Variants in C11orf98 observed in about 807,000 individuals in gnomAD.
The protein encoded by C11orf98 is chromosome 11 open reading frame 98.
C11orf98 carries 7 observed loss-of-function variants against 10.9 expected under a neutral mutation model. The ratio of observed to expected loss-of-function variants is 0.64; its 90% CI spans 0.37 to 1.21. C11orf98 has a LOEUF of 1.21. C11orf98 is among the 50% of genes most tolerant of loss of function. C11orf98 has a pLI of 0.02. For missense variants in C11orf98, 181 were observed against 153.7 expected, an observed-to-expected ratio of 1.18 and a Z score of -0.94; for synonymous variants, 70 against 57.2, an observed-to-expected ratio of 1.22 and a Z score of -1.01.
chr11:62,664,606 C>G (rs1448683469), intron 2 of C11orf98, among the ~76,000 whole-genome samples: 1 of 152,144 alleles, frequency 6.6e-6, no homozygotes, highest in Non-Finnish European at 1.5e-5. Flanking sequence ...GCTGGGATTA[C>G]AGGTATGAGC....
chr11:62,663,069 T>C lies in C11orf98; in HGVS notation c.353A>G (p.Asp118Gly). Reference sequence around the variant, plus strand: ...AGAGGTTTAGCTCTCATCTTCAAGGTCCTTCATTTCTACATCCTGGGGGGC... The same window carrying C: ...AGAGGTTTAGCTCTCATCTTCAAGGCCCTTCATTTCTACATCCTGGGGGGC... ...TKAPQDVEMKDLEDES is the reference protein window; with the variant it reads ...TKAPQDVEMKGLEDES Residue 118 changes from aspartate (D) to glycine (G), a missense_variant, in exon 4 of 4, where the codon GAC becomes GGC. Coordinates refer to ENST00000524958, the MANE Select transcript of C11orf98 (RefSeq NM_001286086.2). 2.5e-6 allele frequency: 4 copies of C among 1,599,196 alleles called. No individual in the cohort carries two copies. In the South Asian group the frequency reaches 4.4e-5, roughly 18 times the overall value.
Position 62,664,909 on chromosome 11 carries a change from C to A in C11orf98, c.104G>T (p.Arg35Leu), listed in dbSNP as rs371721281. 21 of 1,599,854 alleles carry A rather than the reference C, an allele frequency of 1.3e-5. No individual in the cohort carries two copies. In the Admixed American group the frequency reaches 3.1e-4, roughly 24 times the overall value. Residue 35 changes from arginine to leucine, a missense_variant, in exon 2 of 4, where the codon CGG becomes CTG. Transcript: ENST00000524958. ...VLNRERRLRH[R>L]VVGAVIDQGL... ...TTGGTCTATCACAGCCCCGACCACC[C>A]GGTGCCTCAGACGCCGCTCCCGATT... is the stretch of plus-strand genomic sequence containing the variant.
At chr11:62,664,462 C>T (rs1944739367) in intron 2 of C11orf98, among the ~76,000 whole-genome samples, 1 of 151,162 alleles carries the variant, frequency 6.6e-6, no homozygotes, top group South Asian at 2.1e-4. Flanking sequence ...TCCCGTGTAG[C>T]TGGGACTACA....
chr11:62,663,159 A>T lies in C11orf98; in HGVS notation c.263T>A (p.Val88Glu). The change falls in exon 4 of 4, where the codon GTG (valine) becomes GAG (glutamate). Residue 88 changes from valine (V) to glutamate (E), a missense_variant and splice_region_variant. Coordinates refer to ENST00000524958, the MANE Select transcript of C11orf98 (RefSeq NM_001286086.2). ...LAQKEKTAME[V>E]EAPSKPARTS... ...CCTGGCTGGCTTTGAAGGGGCTTCC[A>T]CTGAGTAAAGGGAAGAAGGAAGTAT... 6.2e-7 allele frequency: 1 copy of T among 1,614,054 alleles called. No individual in the cohort carries two copies. The highest frequency in any genetic ancestry group is 8.5e-7 in the Non-Finnish European group (1 of 1,179,930).
In C11orf98 at chr11:62,665,207, G is replaced by A; in HGVS notation, c.-38C>T. ...ACTCCAGTTCACGGTCCGTACTTCCGCTCAGCGCCGGATCCGCGGGGCTCC... is the reference window on the plus strand; with the variant it reads ...ACTCCAGTTCACGGTCCGTACTTCCACTCAGCGCCGGATCCGCGGGGCTCC... On this transcript the variant is annotated 5_prime_UTR_variant, in exon 1 of 4. Transcript: ENST00000524958. 2.5e-6 allele frequency: 2 copies of A among 794,720 alleles called. No homozygotes were observed. Among genetic ancestry groups the A allele is most frequent in the Non-Finnish European group, 4.3e-6 (2 of 469,474 alleles). The allele number at this position is 794,720 out of a possible 1,614,324, so 49.2% of individuals were successfully genotyped here.
Position 62,664,911 on chromosome 11 carries a change from G to A in C11orf98, c.102C>T (p.His34=), listed in dbSNP as rs768715747. ...RVLNRERRLR[H]RVVGAVIDQG... is the part of the protein sequence containing the mutation. ...GGTCTATCACAGCCCCGACCACCCG[G>A]TGCCTCAGACGCCGCTCCCGATTCA... is the stretch of plus-strand genomic sequence containing the variant. Residue 34 remains histidine (H), a synonymous_variant, in exon 2 of 4, where the codon CAC becomes CAT. Coordinates refer to ENST00000524958, the MANE Select transcript of C11orf98 (RefSeq NM_001286086.2). 29 of 1,601,092 alleles carry A rather than the reference G, an allele frequency of 1.8e-5. No homozygotes were observed. The Middle Eastern group carries it at 5.0e-4, about 27-fold the overall frequency.
Position 62,664,906 on chromosome 11 carries a change from A to ACCCGGTGCCTCAGACGCCGCT in C11orf98, c.86_106dup (p.Glu29_Arg35dup). 1 of 1,597,478 alleles carries ACCCGGTGCCTCAGACGCCGCT rather than the reference A, an allele frequency of 6.3e-7. No homozygotes were observed. The highest frequency in any genetic ancestry group is 8.5e-7 in the Non-Finnish European group (1 of 1,172,532). ...CCCTTGGTCTATCACAGCCCCGACC[A>ACCCGGTGCCTCAGACGCCGCT]CCCGGTGCCTCAGACGCCGCTCCCG... On this transcript the variant is annotated inframe_insertion, in exon 2 of 4. Coordinates refer to ENST00000524958, the MANE Select transcript of C11orf98 (RefSeq NM_001286086.2).
chr11:62,665,158 C>T lies in C11orf98; in HGVS notation c.12G>A (p.Pro4=). The change falls in exon 1 of 4, where the codon CCG becomes CCA. Residue 4 remains proline, a synonymous_variant. Coordinates refer to ENST00000524958, the MANE Select transcript of C11orf98 (RefSeq NM_001286086.2). MGA[P]GGKINRPRTE... ...TTCGGGGCCGGTTGATCTTTCCCCC[C>T]GGAGCTCCCATAGTCGCGATTCCAC... 3 of 920,622 alleles carry T rather than the reference C, an allele frequency of 3.3e-6. No homozygotes were observed. Among genetic ancestry groups the T allele is most frequent in the Non-Finnish European group, 5.1e-6 (3 of 584,338 alleles). 57.0% of individuals were successfully genotyped at this position (920,622 alleles called of 1,614,324 possible).
chr11:62,665,149 C>G lies in C11orf98; in HGVS notation c.21G>C (p.Lys7Asn), dbSNP rs568429624. 7.2e-6 allele frequency: 7 copies of G among 975,784 alleles called. No individual in the cohort carries two copies. The highest frequency in any genetic ancestry group is 1.1e-5 in the Non-Finnish European group (7 of 635,068). The allele number at this position is 975,784 out of a possible 1,614,324, so 60.4% of individuals were successfully genotyped here. MGAPGGKINRPRTELKK... is the reference protein window; with the variant it reads MGAPGGNINRPRTELKK... Reference sequence around the variant, plus strand: ...CAGTCACCGTTCGGGGCCGGTTGATCTTTCCCCCCGGAGCTCCCATAGTCG... The same window carrying G: ...CAGTCACCGTTCGGGGCCGGTTGATGTTTCCCCCCGGAGCTCCCATAGTCG... The change falls in exon 1 of 4, where the codon AAG becomes AAC. Residue 7 changes from lysine to asparagine, a missense_variant. Transcript: ENST00000524958.
chr11:62,665,151 T>C lies in C11orf98; in HGVS notation c.19A>G (p.Lys7Glu), dbSNP rs1213310108. Reference protein sequence around the residue: MGAPGGKINRPRTELKK... With the variant: MGAPGGEINRPRTELKK... ...GTCACCGTTCGGGGCCGGTTGATCT[T>C]TCCCCCCGGAGCTCCCATAGTCGCG... Residue 7 changes from lysine to glutamate, a missense_variant, in exon 1 of 4, where the codon AAG becomes GAG. Lys to Glu is a moderately conservative substitution (Grantham distance 56, BLOSUM62 1). Coordinates refer to ENST00000524958, the MANE Select transcript of C11orf98 (RefSeq NM_001286086.2). The C allele has an allele frequency of 2.1e-6, 2 of 957,038 alleles. No homozygotes were observed. Among genetic ancestry groups the C allele is most frequent in the East Asian group, 2.6e-5 (1 of 38,326 alleles). 59.3% of individuals were successfully genotyped at this position (957,038 alleles called of 1,614,324 possible).
At position 62,665,123 on chromosome 11, in the gene C11orf98, A is replaced by G. The variant is rs1293472225; in HGVS notation, c.39+8T>C. On this transcript the variant is annotated splice_region_variant and intron_variant, in intron 1 of 3. Coordinates refer to ENST00000524958, the MANE Select transcript of C11orf98 (RefSeq NM_001286086.2). ...GAGGAAACAAAGTCGCGGCCCCCAC[A>G]CAGTCACCGTTCGGGGCCGGTTGAT... The G allele has an allele frequency of 7.6e-6, 9 of 1,178,652 alleles. No individual in the cohort carries two copies. The highest frequency in any genetic ancestry group is 1.1e-5 in the Non-Finnish European group (9 of 820,390). The allele number at this position is 1,178,652 out of a possible 1,614,324, so 73.0% of individuals were successfully genotyped here.
rs181805126 is a variant in C11orf98 at position 62,663,618 on chromosome 11, C to G, written c.165-285G>C. On this transcript the variant is annotated intron_variant, in intron 2 of 3. Transcript: ENST00000524958. The stretch of plus-strand genomic sequence containing the variant: ...CTGCGGCAGGAGAATGGCGTGAACC[C>G]AGAAGGCGGAGCTTGCAGTGAGCCG... Among the ~76,000 whole-genome samples, 8 of 149,416 alleles carry G rather than the reference C, an allele frequency of 5.4e-5. No individual in the cohort carries two copies. In the East Asian group the frequency reaches 1.6e-3, roughly 29 times the overall value.
At position 62,662,828 on chromosome 11, in the gene C11orf98, G is replaced by A. The variant is rs151001215; in HGVS notation, c.*222C>T. ...TAATCACACACATCTCAGAGTGCTA[G>A]GGCTTTATTACAAATGGAGTTGACT... On this transcript the variant is annotated 3_prime_UTR_variant, in exon 4 of 4. Coordinates refer to ENST00000524958, the MANE Select transcript of C11orf98 (RefSeq NM_001286086.2). 9,290 of 555,106 alleles carry A rather than the reference G, an allele frequency of 0.017. 109 individuals carry two copies. Among genetic ancestry groups the A allele is most frequent in the Non-Finnish European group, 0.021 (6,615 of 315,222 alleles). 34.4% of individuals were successfully genotyped at this position (555,106 alleles called of 1,614,324 possible). A position where few individuals can be genotyped will look rare whatever the true frequency, so the allele number is the denominator to read the frequency against.
At chr11:62,664,082 GAA>G (rs71056540) in intron 2 of C11orf98, among the ~76,000 whole-genome samples, 2,426 of 65,918 alleles carry the variant, frequency 0.037, 80 homozygotes, top group African/African-American at 0.13. Flanking sequence ...CAAAAAAGAG[GAA>G]AAAAAAAAAA....
intron 2 of C11orf98, 61 bp downstream of exon 2, chr11:62,664,788 T>C (rs1418528626): frequency 3.2e-6 from 5 of 1,539,618 alleles, no homozygotes; most frequent in African/African-American, 2.8e-5. Flanking sequence ...GCTCCGGAGC[T>C]CTGCAGGGAG....
chr11:62,664,572 C>T (rs962815009), intron 2 of C11orf98, among the ~76,000 whole-genome samples: 1 of 152,086 alleles, frequency 6.6e-6, no homozygotes, highest in Non-Finnish European at 1.5e-5. Context: ...CTCAGGTGAT[C>T]CGCCCACCTC....
At chr11:62,664,326 C>CTTTTT (rs35917869) in intron 2 of C11orf98, among the ~76,000 whole-genome samples, 6 of 77,446 alleles carry the variant, frequency 7.7e-5, no homozygotes, top group Non-Finnish European at 1.1e-4. Context: ...TCCTGATATT[C>CTTTTT]TTTTTTTTTT....
Position 62,665,171 on chromosome 11 carries a change from G to T in C11orf98, c.-2C>A. The T allele has an allele frequency of 1.2e-6, 1 of 865,164 alleles. No individual in the cohort carries two copies. The allele number at this position is 865,164 out of a possible 1,614,324, so 53.6% of individuals were successfully genotyped here. On this transcript the variant is annotated 5_prime_UTR_variant, in exon 1 of 4. Transcript: ENST00000524958. ...GATCTTTCCCCCCGGAGCTCCCATA[G>T]TCGCGATTCCACTCCAGTTCACGGT...
chr11:62,663,272 T>A lies in C11orf98; in HGVS notation c.226A>T (p.Ile76Phe). Residue 76 changes from isoleucine to phenylalanine, a missense_variant, in exon 3 of 4, where the codon ATC (isoleucine) becomes TTC (phenylalanine). Coordinates refer to ENST00000524958, the MANE Select transcript of C11orf98 (RefSeq NM_001286086.2). ...GTCTTCTCTTTCTGGGCAAGCCGGATCTGCTGGAGGAGTTTTCTGCGCTTC... is the reference window on the plus strand; with the variant it reads ...GTCTTCTCTTTCTGGGCAAGCCGGAACTGCTGGAGGAGTTTTCTGCGCTTC... ...GKKRRKLLQQ[I>F]RLAQKEKTAM... 1.2e-6 allele frequency: 2 copies of A among 1,614,216 alleles called. No homozygotes were observed. The highest frequency in any genetic ancestry group is 4.5e-5 in the East Asian group (2 of 44,888).
Sources: gnomAD v4.1 joint callset for allele counts (sites outside exome capture counted in the v4.1 genomes callset) on GRCh38, gnomAD v4.1.1 for gene constraint, MANE v1.5 for transcripts, NCBI Gene and HGNC (gene_info 2026-07-23, HGNC 2026-07-21) for gene names.